MTHFD2L: variants seen among roughly 807,000 people sequenced by gnomAD.
MTHFD2L encodes the protein bifunctional methylenetetrahydrofolate dehydrogenase/cyclohydrolase 2, mitochondrial.
Under a neutral mutation model 34.9 loss-of-function variants are expected in MTHFD2L, and 29 were observed. That is an observed-to-expected ratio of 0.83 (90% CI 0.62 to 1.13). The LOEUF (loss-of-function observed/expected upper bound fraction) is 1.13. MTHFD2L is among the 50% of genes most tolerant of loss of function. MTHFD2L has a pLI of 0.00. For synonymous variants in MTHFD2L, 167 were observed against 155.7 expected (o/e 1.07, Z -0.54); for missense variants, 481 against 446.5 (o/e 1.08, Z -0.70).
At chr4:74,152,389 T>A (rs1723996797) in intron 1 of MTHFD2L, among the ~76,000 whole-genome samples, 1 of 152,148 alleles carries the variant, frequency 6.6e-6, no homozygotes, top group African/African-American at 2.4e-5. Context: ...TAATAATTTA[T>A]ATAAATATCA....
At chr4:74,139,795 A>G (rs1352032866) in intron 1 of MTHFD2L, among the ~76,000 whole-genome samples, 2 of 152,178 alleles carry the variant, frequency 1.3e-5, no homozygotes, top group East Asian at 3.8e-4. Flanking sequence ...CCTTTGGGTC[A>G]AAAATAGTTT....
chr4:74,127,906 T>A (rs1380826658), intron 1 of MTHFD2L, among the ~76,000 whole-genome samples: 1 of 152,120 alleles, frequency 6.6e-6, no homozygotes, highest in East Asian at 1.9e-4. Context: ...CTCGCCAGCA[T>A]CTGTTATTAC....
At chr4:74,141,240 T>C (rs2082607576) in intron 1 of MTHFD2L, among the ~76,000 whole-genome samples, 1 of 152,190 alleles carries the variant, frequency 6.6e-6, no homozygotes, top group Admixed American at 6.5e-5. Flanking sequence ...TCGAGATAAT[T>C]GGCTTAAGCA....
intron 3 of MTHFD2L, among the ~76,000 whole-genome samples, chr4:74,192,550 A>C (rs1441228983): frequency 6.6e-6 from 1 of 152,138 alleles, no homozygotes; most frequent in Non-Finnish European, 1.5e-5. Flanking sequence ...TTATTCCATA[A>C]GTTTTGAAAA....
intron 3 of MTHFD2L, among the ~76,000 whole-genome samples, chr4:74,192,820 CT>C (rs1013366123): frequency 2.0e-5 from 3 of 151,286 alleles, no homozygotes; most frequent in Admixed American, 6.6e-5. Context: ...ACTTTGAGTG[CT>C]TTTTTTTATA....
intron 1 of MTHFD2L, among the ~76,000 whole-genome samples, chr4:74,129,521 T>C (rs757743261): frequency 3.9e-5 from 6 of 152,098 alleles, no homozygotes; most frequent in Non-Finnish European, 7.4e-5. Flanking sequence ...AATAAATAAG[T>C]TATTTAAAAC....
chr4:74,226,494 G>A (rs886516149), intron 6 of MTHFD2L, among the ~76,000 whole-genome samples: 2 of 152,036 alleles, frequency 1.3e-5, no homozygotes, highest in Non-Finnish European at 2.9e-5. Context: ...TATTTCATAA[G>A]ATTAAATTTC....
chr4:74,250,328 G>A (rs1221438742), intron 6 of MTHFD2L, among the ~76,000 whole-genome samples: 1 of 152,096 alleles, frequency 6.6e-6, no homozygotes, highest in Non-Finnish European at 1.5e-5. Flanking sequence ...TGTTTAAATG[G>A]TAGATGTGTA....
rs61173269 is a variant in MTHFD2L at position 74,187,800 on chromosome 4, TACAC to T, written c.452-11962_452-11959del. On this transcript the variant is annotated intron_variant, in intron 3 of 7. Transcript: ENST00000325278. ...TCCAGCCATTCTGTGCCTGTGTATT[TACAC>T]ACACACACACACACACACACACACA... Among the ~76,000 whole-genome samples, 77 of 144,382 alleles carry T rather than the reference TACAC, an allele frequency of 5.3e-4. 1 individual carries two copies. The South Asian group carries it at 9.4e-3, about 18-fold the overall frequency. 94.7% of individuals were successfully genotyped at this position (144,382 alleles called of 152,430 possible).
intron 3 of MTHFD2L, among the ~76,000 whole-genome samples, chr4:74,176,442 T>A (rs1207710053): frequency 6.6e-6 from 1 of 152,118 alleles, no homozygotes; most frequent in African/African-American, 2.4e-5. Flanking sequence ...ATTTTGTTTC[T>A]TTGCTATACT....
intron 3 of MTHFD2L, chr4:74,194,393 T>G (rs990585750): frequency 2.6e-5 from 4 of 152,174 alleles, no homozygotes; most frequent in African/African-American, 7.2e-5. Context: ...TGATTTTTTT[T>G]TCTTTAAGCT....
At position 74,302,528 on chromosome 4, in the gene MTHFD2L, A is replaced by G. The variant is rs779535105; in HGVS notation, c.*719A>G. 1 of 152,174 alleles carries G rather than the reference A, an allele frequency of 6.6e-6. No individual in the cohort carries two copies. The highest frequency in any genetic ancestry group is 1.5e-5 in the Non-Finnish European group (1 of 68,002). The allele number at this position is 152,174 out of a possible 1,614,324, so 9.4% of individuals were successfully genotyped here. On this transcript the variant is annotated 3_prime_UTR_variant, in exon 8 of 8. Coordinates refer to ENST00000325278, the MANE Select transcript of MTHFD2L (RefSeq NM_001144978.3). ...TGACTACTTGCCACAGTAAAAATAC[A>G]TGAAGAATGTGTTAGGTTTAAACGT...
intron 6 of MTHFD2L, among the ~76,000 whole-genome samples, chr4:74,238,515 T>C (rs1741181320): frequency 1.3e-5 from 2 of 152,122 alleles, no homozygotes; most frequent in African/African-American, 4.8e-5. Flanking sequence ...TTAAAGAGCT[T>C]CTGCACAGCG....
chr4:74,145,301 A>G (rs1336548974), intron 1 of MTHFD2L, among the ~76,000 whole-genome samples: 1 of 152,228 alleles, frequency 6.6e-6, no homozygotes, highest in Non-Finnish European at 1.5e-5. Flanking sequence ...TACATAGCAT[A>G]TACATTGTAT....
At chr4:74,278,373 T>C (rs2110267258) in intron 6 of MTHFD2L, among the ~76,000 whole-genome samples, 1 of 152,260 alleles carries the variant, frequency 6.6e-6, no homozygotes, top group Middle Eastern at 3.4e-3. Context: ...TTCTTCTTGA[T>C]ACTTAGAATC....
rs532325128 is a variant in MTHFD2L at position 74,247,648 on chromosome 4, C to T, written c.805+22254C>T. Among the ~76,000 whole-genome samples, 516 of 152,190 alleles carry T rather than the reference C, an allele frequency of 3.4e-3. 3 individuals carry two copies. Among genetic ancestry groups the T allele is most frequent in the South Asian group, 4.8e-3 (23 of 4,816 alleles). On this transcript the variant is annotated intron_variant, in intron 6 of 7. Transcript: ENST00000325278. Reference sequence around the variant, plus strand: ...AGATAGCGCTTATTATTTTGAGATACGTCCCATCAATACCTAATTTATTGA... The same window carrying T: ...AGATAGCGCTTATTATTTTGAGATATGTCCCATCAATACCTAATTTATTGA...
intron 1 of MTHFD2L, among the ~76,000 whole-genome samples, chr4:74,150,095 G>A (rs910807893): frequency 6.6e-6 from 1 of 152,152 alleles, no homozygotes. Flanking sequence ...GTGCCAACAA[G>A]CCAAAGAAAG....
At chr4:74,157,963 C>G (rs115398343), upstream of MTHFD2L, 68 of 1,007,372 alleles carry the variant, frequency 6.8e-5, no homozygotes, top group African/African-American at 7.7e-4. Flanking sequence ...TCTGTCAGTT[C>G]CGTCCCCGGT....
upstream of MTHFD2L, chr4:74,157,565 G>GATAAAGTAGAAGT (rs878925154): frequency 1.4e-5 from 6 of 417,660 alleles, no homozygotes; most frequent in South Asian, 1.0e-4. Context: ...AAGTGGAGAT[G>GATAAAGTAGAAGT]ATAAAGTAGA....
Sources: allele counts gnomAD v4.1 joint callset (sites outside exome capture counted in the v4.1 genomes callset), GRCh38; gene constraint gnomAD v4.1.1; transcripts MANE v1.5; gene names NCBI Gene and HGNC (gene_info 2026-07-23, HGNC 2026-07-21).